The following AEBP2 variants were observed in gnomAD, a reference collection of about 807,000 sequenced individuals.
AEBP2 encodes the protein zinc finger protein AEBP2.
Under a neutral mutation model 50.8 loss-of-function variants are expected in AEBP2, and 10 were observed. The ratio of observed to expected loss-of-function variants is 0.20; its 90% confidence interval spans 0.12 to 0.33. AEBP2 has a LOEUF of 0.33. Ranked by LOEUF, AEBP2 falls within the 10% of genes least tolerant of loss-of-function variation. The pLI, the probability that AEBP2 is intolerant of heterozygous loss-of-function variation, is 1.00. For synonymous variants in AEBP2, 296 were observed against 261.3 expected, an observed-to-expected ratio of 1.13 and a Z score of -1.28; for missense variants, 570 against 688.0, an observed-to-expected ratio of 0.83 and a Z score of 1.92.
chr12:19,458,133 C>A (rs1221478037), intron 1 of AEBP2, among the ~76,000 whole-genome samples: 1 of 152,178 alleles, frequency 6.6e-6, no homozygotes, highest in Non-Finnish European at 1.5e-5. Flanking sequence ...AAGGGCACTG[C>A]TTTCTGTGAA....
Position 19,439,948 on chromosome 12 carries a change from G to T in AEBP2, c.249G>T (p.Ser83=), listed in dbSNP as rs1357531900. 16 of 1,517,856 alleles carry T rather than the reference G, an allele frequency of 1.1e-5. No individual in the cohort carries two copies. The highest frequency in any genetic ancestry group is 1.4e-5 in the African/African-American group (1 of 69,766). 94.0% of individuals were successfully genotyped at this position (1,517,856 alleles called of 1,614,324 possible). A position where few individuals can be genotyped will look rare whatever the true frequency, so the allele number is the denominator to read the frequency against. The change falls in exon 1 of 8, where the codon TCG becomes TCT. Residue 83 remains serine, a synonymous_variant. Transcript: ENST00000266508. ...GGGGCGGCGAGGCAGAGACGATGTCGGAGCCGAGCCCCGAGAGCGCCAGCC... is the reference window on the plus strand; with the variant it reads ...GGGGCGGCGAGGCAGAGACGATGTCTGAGCCGAGCCCCGAGAGCGCCAGCC... ...GVGGGEAETM[S]EPSPESASQA... is the part of the protein sequence containing the mutation.
chr12:19,457,418 CA>C, intron 1 of AEBP2: 3 of 1,496,800 alleles, frequency 2.0e-6, no homozygotes, highest in Non-Finnish European at 2.7e-6. Context: ...CAAATTTCCA[CA>C]AGGAGGTATT....
At chr12:19,510,053 A>T (rs906665831) in intron 5 of AEBP2, among the ~76,000 whole-genome samples, 7 of 152,084 alleles carry the variant, frequency 4.6e-5, no homozygotes, top group Admixed American at 1.3e-4. Flanking sequence ...GGCTGGTCAC[A>T]AACTTCTAAC....
intron 3 of AEBP2, among the ~76,000 whole-genome samples, chr12:19,488,982 T>C (rs1948857000): frequency 6.6e-6 from 1 of 152,064 alleles, no homozygotes; most frequent in Admixed American, 6.5e-5. Flanking sequence ...AGAGGCGTGG[T>C]TTCACCAAGT....
chr12:19,424,154 C>G (rs2095747271), intron 1 of AEBP2, among the ~76,000 whole-genome samples: 1 of 151,992 alleles, frequency 6.6e-6, no homozygotes. Context: ...AAGAAGAAAC[C>G]ATGAAAGCTA....
chr12:19,422,086 G>A (rs191622549), intron 1 of AEBP2, among the ~76,000 whole-genome samples: 132 of 152,238 alleles, frequency 8.7e-4, no homozygotes, highest in Non-Finnish European at 1.5e-3. Flanking sequence ...AGCTTTCAGT[G>A]AGCTGAGATT....
chr12:19,508,971 C>A (rs1949193967), intron 5 of AEBP2: 2 of 507,452 alleles, frequency 3.9e-6, no homozygotes, highest in Non-Finnish European at 7.5e-6. Flanking sequence ...ACAAGTCTGT[C>A]CCAGACCCTT....
rs57671944 is a variant in AEBP2, at chr12:19,518,238, TA to T, written c.*124del. The T allele has an allele frequency of 1.4e-5, 17 of 1,234,136 alleles. No individual in the cohort carries two copies. Among genetic ancestry groups the T allele is most frequent in the South Asian group, 3.9e-5 (2 of 51,330 alleles). 76.4% of individuals were successfully genotyped at this position (1,234,136 alleles called of 1,614,324 possible). On this transcript the variant is annotated 3_prime_UTR_variant, in exon 8 of 8. Coordinates refer to ENST00000266508, the MANE Select transcript of AEBP2 (RefSeq NM_153207.5). ...CCCTTCTTTTTTTTTTTTTTTTTTT[TA>T]AATCCAGTATTTAGGATAATATTTA...
At chr12:19,458,945 A>G (rs868769428) in intron 1 of AEBP2, among the ~76,000 whole-genome samples, 1 of 152,176 alleles carries the variant, frequency 6.6e-6, no homozygotes. Flanking sequence ...CAACTTAGGT[A>G]TGCAAATTGG....
At chr12:19,412,673 ATCC>A (rs1013232614) in intron 1 of AEBP2, among the ~76,000 whole-genome samples, 2 of 152,106 alleles carry the variant, frequency 1.3e-5, no homozygotes, top group African/African-American at 4.8e-5. Context: ...GCCTCAAACA[ATCC>A]TCCTGCCTCG....
intron 3 of AEBP2, among the ~76,000 whole-genome samples, chr12:19,473,781 T>A (rs909332920): frequency 5.9e-5 from 9 of 152,192 alleles, no homozygotes; most frequent in Admixed American, 2.6e-4. Context: ...TAAATTTTTT[T>A]AAAAACAACC....
chr12:19,482,425 G>A (rs1239193308), intron 3 of AEBP2, among the ~76,000 whole-genome samples: 1 of 152,162 alleles, frequency 6.6e-6, no homozygotes. Flanking sequence ...ACACACTCAG[G>A]ACCTCTGGTT....
intron 2 of AEBP2, 26 bp downstream of exon 2, chr12:19,462,743 G>A (rs774100516): frequency 7.7e-6 from 12 of 1,551,534 alleles, no homozygotes; most frequent in Admixed American, 5.4e-5. Flanking sequence ...TCTTTTTTTC[G>A]CTCCCTGTTT....
At chr12:19,479,717 G>GTTTCTTTTTTTT (rs1948698002) in intron 3 of AEBP2, among the ~76,000 whole-genome samples, 5 of 22,312 alleles carry the variant, frequency 2.2e-4, no homozygotes, top group Admixed American at 5.9e-4. Context: ...CTCTTTGTGG[G>GTTTCTTTTTTTT]TTTTTTTTTT....
chr12:19,517,913 T>C (rs1020859045), intron 7 of AEBP2, among the ~76,000 whole-genome samples, 174 bp from the exon 8 acceptor site: 1 of 152,228 alleles, frequency 6.6e-6, no homozygotes, highest in African/African-American at 2.4e-5. Flanking sequence ...ATTAAACAAC[T>C]ATATTATGTA....
At chr12:19,425,810 T>A (rs1030079266) in intron 1 of AEBP2, among the ~76,000 whole-genome samples, 2 of 151,534 alleles carry the variant, frequency 1.3e-5, no homozygotes, top group Non-Finnish European at 2.9e-5. Context: ...ATTAAAGGTA[T>A]TCAAGGTACG....
upstream of AEBP2, among the ~76,000 whole-genome samples, chr12:19,435,429 G>A (rs1218697477): frequency 6.6e-6 from 1 of 151,966 alleles, no homozygotes. Flanking sequence ...GTAGAGATAG[G>A]GTTTCACCTT....
chr12:19,510,420 A>C (rs1192395043), intron 5 of AEBP2, among the ~76,000 whole-genome samples: 2 of 152,234 alleles, frequency 1.3e-5, no homozygotes, highest in African/African-American at 2.4e-5. Flanking sequence ...GTGTATGCGC[A>C]TGGGCAGACA....
At chr12:19,512,174 A>ACCACT (rs2120602632) in intron 5 of AEBP2, among the ~76,000 whole-genome samples, 1 of 152,102 alleles carries the variant, frequency 6.6e-6, no homozygotes, top group South Asian at 2.1e-4. Context: ...GAAGCCCACC[A>ACCACT]CCACTCCCGG....
Sources: allele counts gnomAD v4.1 joint callset (sites outside exome capture counted in the v4.1 genomes callset), GRCh38; gene constraint gnomAD v4.1.1; transcripts MANE v1.5; gene names NCBI Gene and HGNC (gene_info 2026-07-23, HGNC 2026-07-21).